Variants in SRGAP1 observed in about 807,000 individuals in gnomAD.
The protein encoded by SRGAP1 is SLIT-ROBO Rho GTPase activating protein 1.
In SRGAP1, 43 loss-of-function variants were observed where a neutral mutation model predicts 121.9. That is an observed-to-expected ratio of 0.35 (90% CI 0.28 to 0.46). SRGAP1 has a LOEUF of 0.46. SRGAP1 is among the 20% of genes least tolerant of loss of function. The pLI is 1.00. For synonymous variants in SRGAP1, 447 were observed against 485.4 expected (o/e 0.92, Z 1.04); for missense variants, 1,102 against 1,350.9 (o/e 0.82, Z 2.89).
chr12:63,874,486 A>G (rs1453814734), intron 1 of SRGAP1, among the ~76,000 whole-genome samples: 3 of 152,152 alleles, frequency 2.0e-5, no homozygotes, highest in African/African-American at 7.2e-5. Context: ...TACAGGTGTG[A>G]GCAACCACGC....
rs958959695 is a variant in SRGAP1 at position 63,854,529 on chromosome 12, C to T, written c.67+9646C>T. On this transcript the variant is annotated intron_variant, in intron 1 of 21. Transcript: ENST00000355086. ...TAAAATACAAAATGAATTGATAATC[C>T]GTGGGTGCACGAGGTTAATTATATT... 1.7e-4 allele frequency among the ~76,000 whole-genome samples: 26 copies of T among 151,928 alleles called. 1 individual carries two copies. The highest frequency in any genetic ancestry group is 4.4e-5 in the Non-Finnish European group (3 of 67,994).
chr12:63,948,728 C>T (rs978063750), intron 1 of SRGAP1, among the ~76,000 whole-genome samples: 16 of 149,812 alleles, frequency 1.1e-4, no homozygotes, highest in South Asian at 2.1e-4. Context: ...GGAATAGATA[C>T]ACACAGCCTA....
At chr12:63,879,366 G>A (rs1900121829) in intron 1 of SRGAP1, 1 of 152,092 alleles carries the variant, frequency 6.6e-6, no homozygotes, top group African/African-American at 2.4e-5. Context: ...TACATACTCT[G>A]AATTATTTGG....
intron 4 of SRGAP1, among the ~76,000 whole-genome samples, chr12:64,020,599 T>C (rs1324205177): frequency 1.3e-5 from 2 of 152,094 alleles, no homozygotes; most frequent in Non-Finnish European, 2.9e-5. Flanking sequence ...TCCCAGAGCT[T>C]TGGGAGGCCA....
chr12:63,856,818 C>G (rs904772295), intron 1 of SRGAP1, among the ~76,000 whole-genome samples: 3 of 152,118 alleles, frequency 2.0e-5, no homozygotes, highest in African/African-American at 7.2e-5. Context: ...GTTGGCCTTC[C>G]ATTGAAAACA....
chr12:63,937,595 C>A (rs975912971), intron 1 of SRGAP1, among the ~76,000 whole-genome samples: 2 of 152,178 alleles, frequency 1.3e-5, no homozygotes, highest in African/African-American at 4.8e-5. Context: ...ATATCCTCTT[C>A]AAAGACTGAT....
intron 3 of SRGAP1, among the ~76,000 whole-genome samples, chr12:64,014,945 T>A (rs1476013006): frequency 6.6e-6 from 1 of 151,526 alleles, no homozygotes; most frequent in Non-Finnish European, 1.5e-5. Context: ...GCTTCCTGAG[T>A]AGCTGGAATT....
Position 64,153,725 on chromosome 12 carries a change from A to T in SRGAP1, c.*11053A>T, listed in dbSNP as rs994855257. On this transcript the variant is annotated 3_prime_UTR_variant, in exon 22 of 22. Transcript: ENST00000355086. The stretch of plus-strand genomic sequence containing the variant: ...TGTTGGTGGGAATGTAAAATGGTAG[A>T]GCCACTAAGGAAAACAGTGTGGAAG... 1 of 152,202 alleles carries T rather than the reference A, an allele frequency of 6.6e-6. No homozygotes were observed. Among genetic ancestry groups the T allele is most frequent in the African/African-American group, 2.4e-5 (1 of 41,450 alleles). The allele number at this position is 152,202 out of a possible 1,614,324, so 9.4% of individuals were successfully genotyped here.
chr12:63,884,627 C>T (rs1387320731), intron 1 of SRGAP1, among the ~76,000 whole-genome samples: 1 of 152,068 alleles, frequency 6.6e-6, no homozygotes, highest in Admixed American at 6.6e-5. Flanking sequence ...CAGTAGAACA[C>T]CAGAATTTAT....
chr12:64,047,852 A>T (rs976838166), intron 6 of SRGAP1, among the ~76,000 whole-genome samples: 4 of 152,174 alleles, frequency 2.6e-5, no homozygotes, highest in Non-Finnish European at 4.4e-5. Flanking sequence ...AATTTTTATG[A>T]CTATATAGTA....
intron 4 of SRGAP1, among the ~76,000 whole-genome samples, chr12:64,032,189 C>T (rs2034796615): frequency 6.6e-6 from 1 of 152,092 alleles, no homozygotes; most frequent in Non-Finnish European, 1.5e-5. Flanking sequence ...GGGACAGTGT[C>T]CCATGCTCCA....
intron 3 of SRGAP1, among the ~76,000 whole-genome samples, chr12:64,003,335 C>A (rs1490390453): frequency 6.6e-6 from 1 of 152,082 alleles, no homozygotes; most frequent in Non-Finnish European, 1.5e-5. Flanking sequence ...GATCTGCCCA[C>A]TTTGGCCTCC....
intron 1 of SRGAP1, among the ~76,000 whole-genome samples, chr12:63,979,449 A>G (rs2033189146): frequency 6.7e-6 from 1 of 149,394 alleles, no homozygotes; most frequent in Non-Finnish European, 1.5e-5. Context: ...ATTTTCTCCC[A>G]TCTATGGGTT....
chr12:63,878,814 A>G (rs1463357161), intron 1 of SRGAP1: 1 of 152,218 alleles, frequency 6.6e-6, no homozygotes, highest in Non-Finnish European at 1.5e-5. Flanking sequence ...TCTAGGGATC[A>G]GTCTTCTCAT....
At chr12:64,138,065 C>T (rs954584165) in intron 21 of SRGAP1, among the ~76,000 whole-genome samples, 28 of 151,862 alleles carry the variant, frequency 1.8e-4, no homozygotes, top group African/African-American at 6.8e-4. Context: ...AAACATCTCT[C>T]CAGACTGTGT....
In SRGAP1 at chr12:64,128,057, C is replaced by T. The variant is rs752844739; in HGVS notation, c.2737C>T (p.Pro913Ser). 1 of 1,614,170 alleles carries T rather than the reference C, an allele frequency of 6.2e-7. No individual in the cohort carries two copies. The highest frequency in any genetic ancestry group is 8.5e-7 in the Non-Finnish European group (1 of 1,180,026). ...TGACAGTCCTGAGCGGAGGCGCAGG[C>T]CTGGCCATGGCAGCCTGACCAACAT... is the stretch of plus-strand genomic sequence containing the variant. ...NNDSPERRRRPGHGSLTNISR... is the reference protein window; with the variant it reads ...NNDSPERRRRSGHGSLTNISR... Residue 913 changes from proline to serine, a missense_variant, in exon 21 of 22, where the codon CCT (proline) becomes TCT (serine). By Grantham distance (74) the Pro-to-Ser change is moderately conservative. Around this residue, in one of 3 missense-constraint regions of SRGAP1, gnomAD observed 315 missense variants for 343.1 expected, o/e 0.92. Transcript: ENST00000355086.
rs986986682 is a variant in SRGAP1 at position 64,152,754 on chromosome 12, G to A, written c.*10082G>A. 2 of 151,860 alleles carry A rather than the reference G, an allele frequency of 1.3e-5. No individual in the cohort carries two copies. Among genetic ancestry groups the A allele is most frequent in the East Asian group, 3.9e-4 (2 of 5,170 alleles). 9.4% of individuals were successfully genotyped at this position (151,860 alleles called of 1,614,324 possible). The stretch of plus-strand genomic sequence containing the variant: ...TCATCATTCCAAACCCAACAAAATG[G>A]TTACATCCTTCATGAAGGGTTCCCC... On this transcript the variant is annotated 3_prime_UTR_variant, in exon 22 of 22. Coordinates refer to ENST00000355086, the MANE Select transcript of SRGAP1 (RefSeq NM_020762.4).
At chr12:63,853,284 G>T (rs1003533700) in intron 1 of SRGAP1, among the ~76,000 whole-genome samples, 2 of 152,096 alleles carry the variant, frequency 1.3e-5, no homozygotes, top group Admixed American at 6.5e-5. Context: ...GCCTCCCAAA[G>T]TGCTGGGATT....
At chr12:64,055,892 T>A (rs1463229759) in intron 6 of SRGAP1, among the ~76,000 whole-genome samples, 2 of 152,174 alleles carry the variant, frequency 1.3e-5, no homozygotes, top group Non-Finnish European at 2.9e-5. Context: ...TGATGGCTCC[T>A]AGATTTTTAC....
Sources: gnomAD v4.1 joint callset for allele counts (sites outside exome capture counted in the v4.1 genomes callset) on GRCh38, gnomAD v4.1.1 for gene constraint, gnomAD v4.1.1 regional missense constraint, MANE v1.5 for transcripts, NCBI Gene and HGNC (gene_info 2026-07-23, HGNC 2026-07-21) for gene names.